The following CTNNA3 variants were observed in gnomAD, a reference collection of about 807,000 sequenced individuals.
CTNNA3 encodes catenin alpha-3.
Under a neutral mutation model 95.7 loss-of-function variants are expected in CTNNA3, and 76 were observed. The ratio of observed to expected loss-of-function variants is 0.79; its 90% confidence interval spans 0.66 to 0.96. The LOEUF is 0.96. CTNNA3 is among the 40% of genes least tolerant of loss of function. The pLI, the probability that CTNNA3 is intolerant of heterozygous loss-of-function variation, is 0.00. For synonymous variants in CTNNA3, 431 were observed against 374.4 expected, an observed-to-expected ratio of 1.15 and a Z score of -1.74; for missense variants, 1,191 against 1,089.8, an observed-to-expected ratio of 1.09 and a Z score of -1.31.
chr10:67,463,160 C>T (rs1401242543), intron 5 of CTNNA3, among the ~76,000 whole-genome samples: 6 of 152,124 alleles, frequency 3.9e-5, no homozygotes, highest in Non-Finnish European at 5.9e-5. Context: ...CCACCTTGAC[C>T]TCCTAAAGTG....
At chr10:66,555,085 A>C (rs1842348875) in intron 10 of CTNNA3, among the ~76,000 whole-genome samples, 1 of 152,120 alleles carries the variant, frequency 6.6e-6, no homozygotes, top group Non-Finnish European at 1.5e-5. Context: ...GTCCAAGTTC[A>C]GGGTGTGGAA....
At chr10:66,178,440 T>TATATACATATATATATATAC (rs1231414006) in intron 13 of CTNNA3, among the ~76,000 whole-genome samples, 1 of 105,766 alleles carries the variant, frequency 9.5e-6, no homozygotes, top group Non-Finnish European at 1.9e-5. Context: ...TATATATATA[T>TATATACATATATATATATAC]ATACACACAC....
chr10:66,401,558 C>CACACACACACAT (rs2093021504), intron 11 of CTNNA3, among the ~76,000 whole-genome samples: 1 of 141,978 alleles, frequency 7.0e-6, no homozygotes, highest in Non-Finnish European at 1.5e-5. Context: ...CACACACACA[C>CACACACACACAT]ACAGCATAGT....
intron 12 of CTNNA3, among the ~76,000 whole-genome samples, chr10:66,351,596 C>T (rs1022960083): frequency 9.9e-5 from 15 of 151,836 alleles, no homozygotes; most frequent in Admixed American, 3.9e-4. Context: ...ATTAGATTTA[C>T]GGTATGCTGC....
intron 13 of CTNNA3, among the ~76,000 whole-genome samples, chr10:66,232,907 C>T (rs2089656497): frequency 6.6e-6 from 1 of 151,970 alleles, no homozygotes; most frequent in Non-Finnish European, 1.5e-5. Flanking sequence ...CCTGTAATCC[C>T]AGCATTTTGG....
chr10:66,731,069 T>C (rs1441275511), intron 9 of CTNNA3, among the ~76,000 whole-genome samples: 5 of 152,218 alleles, frequency 3.3e-5, no homozygotes, highest in Non-Finnish European at 5.9e-5. Context: ...ACACAATAAA[T>C]TGTTCAATAG....
chr10:67,300,121 G>C (rs1564546504), intron 5 of CTNNA3, among the ~76,000 whole-genome samples: 1 of 152,134 alleles, frequency 6.6e-6, no homozygotes, highest in Non-Finnish European at 1.5e-5. Context: ...CCAGCAACCT[G>C]GGTTTTAGCA....
At chr10:67,187,274 T>C (rs1229947522) in intron 6 of CTNNA3, among the ~76,000 whole-genome samples, 4 of 152,158 alleles carry the variant, frequency 2.6e-5, no homozygotes, top group African/African-American at 9.7e-5. Flanking sequence ...TCATCATTAA[T>C]TTATACATGT....
Position 66,760,849 on chromosome 10 carries a change from T to C in CTNNA3, c.1281+5415A>G, listed in dbSNP as rs184565552. 6.6e-3 allele frequency among the ~76,000 whole-genome samples: 1,010 copies of C among 152,232 alleles called. 4 individuals carry two copies. The highest frequency in any genetic ancestry group is 0.011 in the Non-Finnish European group (736 of 68,016). On this transcript the variant is annotated intron_variant, in intron 9 of 17. Coordinates refer to ENST00000433211, the MANE Select transcript of CTNNA3 (RefSeq NM_013266.4). Reference sequence around the variant, plus strand: ...TGGGCAGTCACACCGGTGTGCTCTGTTCTACATAAGTAAAGCATTCCCGCC... The same window carrying C: ...TGGGCAGTCACACCGGTGTGCTCTGCTCTACATAAGTAAAGCATTCCCGCC...
chr10:66,953,507 T>C (rs1408769429), intron 7 of CTNNA3, among the ~76,000 whole-genome samples: 2 of 152,192 alleles, frequency 1.3e-5, no homozygotes, highest in Non-Finnish European at 2.9e-5. Context: ...CATACCATCA[T>C]GTTCTTCCAG....
chr10:66,466,591 C>G (rs2131862328), intron 11 of CTNNA3, among the ~76,000 whole-genome samples: 1 of 152,080 alleles, frequency 6.6e-6, no homozygotes, highest in Middle Eastern at 3.4e-3. Context: ...CTATGTTGAG[C>G]TTTTGCATGT....
chr10:67,340,145 C>T (rs1306344089), intron 5 of CTNNA3, among the ~76,000 whole-genome samples: 1 of 152,012 alleles, frequency 6.6e-6, no homozygotes. Flanking sequence ...TTTGCTATGG[C>T]TTTGTACAAA....
chr10:67,577,721 T>TGA (rs1842217704), intron 3 of CTNNA3, among the ~76,000 whole-genome samples: 1 of 151,828 alleles, frequency 6.6e-6, no homozygotes, highest in South Asian at 2.1e-4. Flanking sequence ...TGTGTGTGTG[T>TGA]GTATATATAC....
At chr10:66,857,150 A>G (rs1482778281) in intron 7 of CTNNA3, among the ~76,000 whole-genome samples, 7 of 152,040 alleles carry the variant, frequency 4.6e-5, no homozygotes, top group Non-Finnish European at 1.0e-4. Context: ...AGCACAATTT[A>G]TTAAGGGAGT....
rs574555706 is a variant in CTNNA3 at position 67,637,415 on chromosome 10, A to G, written c.99+10000T>C. On this transcript the variant is annotated intron_variant, in intron 2 of 17. Transcript: ENST00000433211. ...CGTGTACCTGAAAGTGACGGGCAGA[A>G]TGGAACCAAGTTGGAAAACACTCTG... Among the ~76,000 whole-genome samples, 44 of 152,354 alleles carry G rather than the reference A, an allele frequency of 2.9e-4. No homozygotes were observed. In the South Asian group the frequency reaches 8.5e-3, roughly 29 times the overall value.
chr10:66,309,094 C>T (rs1268824500), intron 12 of CTNNA3, among the ~76,000 whole-genome samples: 1 of 152,184 alleles, frequency 6.6e-6, no homozygotes, highest in Admixed American at 6.5e-5. Flanking sequence ...CTATCACTCA[C>T]GTCTACTTAA....
chr10:66,316,636 A>G (rs1261928574), intron 12 of CTNNA3, among the ~76,000 whole-genome samples: 1 of 152,052 alleles, frequency 6.6e-6, no homozygotes, highest in Non-Finnish European at 1.5e-5. Flanking sequence ...AAACCAGAGT[A>G]CCAAGAAAAA....
intron 5 of CTNNA3, among the ~76,000 whole-genome samples, chr10:67,513,931 T>C (rs1459627484): frequency 6.6e-6 from 1 of 152,224 alleles, no homozygotes; most frequent in African/African-American, 2.4e-5. Context: ...TTTCCTGTTA[T>C]TGTCCCAACT....
chr10:66,513,502 TG>T (rs1286801482), intron 11 of CTNNA3, among the ~76,000 whole-genome samples: 2 of 152,198 alleles, frequency 1.3e-5, no homozygotes, highest in Non-Finnish European at 2.9e-5. Flanking sequence ...CACGCACCTC[TG>T]GTGGTACACA....
Sources: allele counts gnomAD v4.1 joint callset (sites outside exome capture counted in the v4.1 genomes callset), GRCh38; gene constraint gnomAD v4.1.1; transcripts MANE v1.5; gene names NCBI Gene and HGNC (gene_info 2026-07-23, HGNC 2026-07-21).